Variants in MUC5B observed in about 807,000 individuals in gnomAD.
MUC5B encodes the protein mucin-5B.
MUC5B carries 116 observed loss-of-function variants against 376.9 expected under a neutral mutation model. The ratio of observed to expected loss-of-function variants is 0.31; its 90% CI spans 0.26 to 0.36. The LOEUF (loss-of-function observed/expected upper bound fraction) is 0.36. Ranked by LOEUF, MUC5B falls within the 10% of genes least tolerant of loss-of-function variation. The pLI, the probability that MUC5B is intolerant of heterozygous loss-of-function variation, is 1.00. For missense variants in MUC5B, 7,165 were observed against 7,769.9 expected (o/e 0.92, Z 2.93); for synonymous variants, 3,517 against 3,390.9 (o/e 1.04, Z -1.29).
In MUC5B at chr11:1,242,053, T is replaced by G; in HGVS notation, c.5173T>G (p.Ser1725Ala). 1 of 1,596,234 alleles carries G rather than the reference T, an allele frequency of 6.3e-7. No individual in the cohort carries two copies. Among genetic ancestry groups the G allele is most frequent in the Non-Finnish European group, 8.5e-7 (1 of 1,172,324 alleles). The change falls in exon 31 of 49, where the codon TCC (serine) becomes GCC (alanine). Residue 1725 changes from serine to alanine, a missense_variant. Coordinates refer to ENST00000529681, the MANE Select transcript of MUC5B (RefSeq NM_002458.3). ...PTLAPTTMAT[S>A]RARPTGTAST... ...GCTGGCCCCAACAACAATGGCAACC[T>G]CCAGAGCTCGCCCGACAGGCACAGC...
intron 26 of MUC5B, 127 bp downstream of exon 26, chr11:1,239,154 T>C: frequency 8.5e-7 from 1 of 1,173,736 alleles, no homozygotes; most frequent in Non-Finnish European, 1.2e-6. Context: ...CGCATGTGCC[T>C]CCATGTGAGT....
intron 25 of MUC5B, 69 bp downstream of exon 25, chr11:1,237,233 G>C (rs1862180997): frequency 3.8e-6 from 5 of 1,317,540 alleles, no homozygotes; most frequent in Non-Finnish European, 4.8e-6. Context: ...CCGAGAACTG[G>C]GTCTTCTGGG....
In MUC5B at chr11:1,247,042, C is replaced by A; in HGVS notation, c.10162C>A (p.Pro3388Thr). The A allele has an allele frequency of 1.9e-6, 3 of 1,553,966 alleles. No individual in the cohort carries two copies. The highest frequency in any genetic ancestry group is 2.6e-6 in the Non-Finnish European group (3 of 1,148,558). Residue 3388 changes from proline to threonine, a missense_variant, in exon 31 of 49, where the codon CCA becomes ACA. Around this residue, in one of 31 missense-constraint regions of MUC5B, gnomAD observed 939 missense variants for 770.6 expected, o/e 1.22. Transcript: ENST00000529681. ...SSSTQTSGTP[P>T]SLTTTATTIT... ...TAGCACACAGACCAGTGGTACTCCCCCATCACTGACCACCACGGCCACTAC... is the reference window on the plus strand; with the variant it reads ...TAGCACACAGACCAGTGGTACTCCCACATCACTGACCACCACGGCCACTAC...
chr11:1,250,005 C>G lies in MUC5B; in HGVS notation c.13125C>G (p.Ala4375=). 1.2e-6 allele frequency: 2 copies of G among 1,612,386 alleles called. No individual in the cohort carries two copies. The highest frequency in any genetic ancestry group is 2.7e-5 in the African/African-American group (2 of 74,862). ...CCACGAAGGCCACCACGACAAGGGC[C>G]ACCAGTTCCACGTCCACCCCCTCCT... The part of the protein sequence containing the change: ...VLTTKATTTR[A]TSSTSTPSST... Residue 4375 remains alanine, a synonymous_variant, in exon 31 of 49, where the codon GCC becomes GCG. Transcript: ENST00000529681.
chr11:1,236,703 C>A, intron 24 of MUC5B, 141 bp downstream of exon 24: 1 of 1,116,136 alleles, frequency 9.0e-7, no homozygotes, highest in Non-Finnish European at 1.2e-6. Context: ...GTGGCCTCCA[C>A]AGTGGGCAGA....
intron 1 of MUC5B, among the ~76,000 whole-genome samples, chr11:1,224,937 G>C (rs1417270572): frequency 2.6e-5 from 4 of 152,176 alleles, no homozygotes; most frequent in Non-Finnish European, 4.4e-5. Context: ...TCCTGTGAAG[G>C]GGGCGCCCCA....
At position 1,232,147 on chromosome 11, in the gene MUC5B, C is replaced by T. The variant is rs1251580381; in HGVS notation, c.1830C>T (p.Leu610=). 1.2e-5 allele frequency: 19 copies of T among 1,607,006 alleles called. No homozygotes were observed. Among genetic ancestry groups the T allele is most frequent in the African/African-American group, 1.3e-5 (1 of 74,836 alleles). ...ARNSFEDPCS[L]SVENENYARH... Reference sequence around the variant, plus strand: ...ACAGCTTTGAGGACCCCTGCTCCCTCAGTGTGGAGAATGGTACTCCTCGCC... The same window carrying T: ...ACAGCTTTGAGGACCCCTGCTCCCTTAGTGTGGAGAATGGTACTCCTCGCC... The change falls in exon 15 of 49, where the codon CTC becomes CTT. Residue 610 remains leucine (L), a synonymous_variant. Transcript: ENST00000529681.
In MUC5B at chr11:1,254,013, G is replaced by C. The variant is rs565302797; in HGVS notation, c.15218-79G>C. ...GCTCCCCAAGGCGGCAGTCACAGTG[G>C]TGACGCTGGCTGCCATGACGCCTGG... On this transcript the variant is annotated intron_variant, in intron 33 of 48. Transcript: ENST00000529681. 1.5e-4 allele frequency: 231 copies of C among 1,531,162 alleles called. 1 individual carries two copies. In the African/African-American group the frequency reaches 2.8e-3, roughly 19 times the overall value. The allele number at this position is 1,531,162 out of a possible 1,614,324, so 94.8% of individuals were successfully genotyped here.
Position 1,247,954 on chromosome 11 carries a change from A to T in MUC5B, c.11074A>T (p.Ile3692Phe). Residue 3692 changes from isoleucine (I) to phenylalanine (F), a missense_variant, in exon 31 of 49, where the codon ATC (isoleucine) becomes TTC (phenylalanine). Coordinates refer to ENST00000529681, the MANE Select transcript of MUC5B (RefSeq NM_002458.3). ...TPSSTPGTTW[I>F]LTKLTTTATT... ...CTCCTCAACTCCGGGGACGACCTGG[A>T]TCCTCACAAAGCTGACCACAACAGC... 1 of 1,610,976 alleles carries T rather than the reference A, an allele frequency of 6.2e-7. No homozygotes were observed. Among genetic ancestry groups the T allele is most frequent in the South Asian group, 1.1e-5 (1 of 91,002 alleles).
In MUC5B at chr11:1,227,340, C is replaced by T. The variant is rs781753970; in HGVS notation, c.609C>T (p.Thr203=). ...TGGATCCCAAATACGCCAACCAGACCTGTGGCCTGTGTGGGGACTTCAACG... is the reference window on the plus strand; with the variant it reads ...TGGATCCCAAATACGCCAACCAGACTTGTGGCCTGTGTGGGGACTTCAACG... ...LELDPKYANQ[T]CGLCGDFNGL... The change falls in exon 6 of 49, where the codon ACC becomes ACT. Residue 203 remains threonine, a synonymous_variant. Transcript: ENST00000529681. 6.2e-7 allele frequency: 1 copy of T among 1,612,836 alleles called. No individual in the cohort carries two copies. Among genetic ancestry groups the T allele is most frequent in the South Asian group, 1.1e-5 (1 of 91,066 alleles).
In MUC5B at chr11:1,229,647, C is replaced by G. The variant is rs371598665; in HGVS notation, c.1103-43C>G. ...GGCCGGTGTCTTCTGACCTTGGTGT[C>G]CCCCGTGCATGGGCCGGCCCTGCCT... On this transcript the variant is annotated intron_variant, in intron 9 of 48. Transcript: ENST00000529681. 61 of 1,482,532 alleles carry G rather than the reference C, an allele frequency of 4.1e-5. No individual in the cohort carries two copies. The East Asian group carries it at 8.9e-4, about 22-fold the overall frequency. The allele number at this position is 1,482,532 out of a possible 1,614,324, so 91.8% of individuals were successfully genotyped here.
intron 18 of MUC5B, 112 bp from the exon 19 acceptor site, chr11:1,233,681 A>C: frequency 1.9e-6 from 2 of 1,030,264 alleles, no homozygotes; most frequent in South Asian, 2.7e-5. Context: ...TGGCCTTACA[A>C]GGAGGTGGCC....
rs201542663 is a variant in MUC5B at position 1,244,323 on chromosome 11, G to A, written c.7443G>A (p.Thr2481=). ...TATVTVPTGS[T]ATASSTQATA... Reference sequence around the variant, plus strand: ...CCGTGACGGTGCCCACCGGATCCACGGCCACCGCCTCCTCCACCCAGGCAA... The same window carrying A: ...CCGTGACGGTGCCCACCGGATCCACAGCCACCGCCTCCTCCACCCAGGCAA... Residue 2481 remains threonine (T), a synonymous_variant, in exon 31 of 49, where the codon ACG becomes ACA. Coordinates refer to ENST00000529681, the MANE Select transcript of MUC5B (RefSeq NM_002458.3). 262 of 1,599,620 alleles carry A rather than the reference G, an allele frequency of 1.6e-4. 1 individual carries two copies. Among genetic ancestry groups the A allele is most frequent in the Middle Eastern group, 2.1e-4 (1 of 4,850 alleles).
chr11:1,240,890 T>TCTGC lies in MUC5B; in HGVS notation c.4012_4015dup (p.Arg1339LeufsTer22). Reference sequence around the variant, plus strand: ...GTCTCCACCGTGTGTGTCCGCGAGGTCTGCCGCTGGTCCAGCTGGTACAAT... The same window carrying TCTGC: ...GTCTCCACCGTGTGTGTCCGCGAGGTCTGCCTGCCGCTGGTCCAGCTGGTACAAT... On this transcript the variant is annotated frameshift_variant, in exon 31 of 49. Transcript: ENST00000529681. LOFTEE classifies it high-confidence loss of function. 6.2e-7 allele frequency: 1 copy of TCTGC among 1,612,130 alleles called. No homozygotes were observed. The highest frequency in any genetic ancestry group is 8.5e-7 in the Non-Finnish European group (1 of 1,179,714).
chr11:1,224,589 G>A (rs1861838866), intron 1 of MUC5B, among the ~76,000 whole-genome samples: 1 of 150,352 alleles, frequency 6.7e-6, no homozygotes, highest in South Asian at 2.1e-4. Context: ...GGGCTGCTGG[G>A]GTGGGGAGGG....
At position 1,250,582 on chromosome 11, in the gene MUC5B, A is replaced by G. The variant is rs1862651271; in HGVS notation, c.13702A>G (p.Thr4568Ala). The G allele has an allele frequency of 9.3e-6, 15 of 1,613,312 alleles. No individual in the cohort carries two copies. The highest frequency in any genetic ancestry group is 1.2e-5 in the Non-Finnish European group (14 of 1,179,812). The change falls in exon 31 of 49, where the codon ACG (threonine) becomes GCG (alanine). Residue 4568 changes from threonine (T) to alanine (A), a missense_variant. Thr to Ala is a moderately conservative substitution (Grantham distance 58). Transcript: ENST00000529681. ...CCACACCTCCACAGTGCTTACCGCC[A>G]CGGCCACCACAACCGGGGCCACCGG... ...TVHTSTVLTA[T>A]ATTTGATGSV... is the part of the protein sequence containing the mutation.
At position 1,227,316 on chromosome 11, in the gene MUC5B, G is replaced by A. The variant is rs753386751; in HGVS notation, c.585G>A (p.Leu195=). ...CCCCTCCCCACTCTCAGCTGGAGCT[G>A]GATCCCAAATACGCCAACCAGACCT... ...WNGEDSALLE[L]DPKYANQTCG... The change falls in exon 6 of 49, where the codon CTG becomes CTA. Residue 195 remains leucine, a synonymous_variant. Coordinates refer to ENST00000529681, the MANE Select transcript of MUC5B (RefSeq NM_002458.3). The A allele has an allele frequency of 8.1e-6, 13 of 1,612,608 alleles. No individual in the cohort carries two copies. In the South Asian group the frequency reaches 1.2e-4, roughly 15 times the overall value.
chr11:1,254,847 A>G lies in MUC5B; in HGVS notation c.15631A>G (p.Ser5211Gly). The change falls in exon 35 of 49, where the codon AGC (serine) becomes GGC (glycine). Residue 5211 changes from serine to glycine, a missense_variant. By Grantham distance (56) the Ser-to-Gly change is moderately conservative. Transcript: ENST00000529681. Reference sequence around the variant, plus strand: ...AGTCTTCCAGGCCCGGCTGCCCTACAGCCTCTTCCACAACAACACCGAGGG... The same window carrying G: ...AGTCTTCCAGGCCCGGCTGCCCTACGGCCTCTTCCACAACAACACCGAGGG... ...GQVFQARLPY[S>G]LFHNNTEGQC... 6.2e-7 allele frequency: 1 copy of G among 1,612,192 alleles called. No homozygotes were observed. Among genetic ancestry groups the G allele is most frequent in the Non-Finnish European group, 8.5e-7 (1 of 1,179,748 alleles).
intron 25 of MUC5B, 54 bp downstream of exon 25, chr11:1,237,218 T>G: frequency 7.5e-7 from 1 of 1,331,962 alleles, no homozygotes. Context: ...GTTGCTTCCT[T>G]CCCGCCGAGA....
Sources: allele counts gnomAD v4.1 joint callset (sites outside exome capture counted in the v4.1 genomes callset), GRCh38; gene constraint gnomAD v4.1.1; regional missense constraint gnomAD v4.1.1; transcripts MANE v1.5; gene names NCBI Gene and HGNC (gene_info 2026-07-23, HGNC 2026-07-21).